CARMIL1: variants seen among roughly 807,000 people sequenced by gnomAD.
The protein encoded by CARMIL1 is capping protein regulator and myosin 1 linker 1.
A neutral mutation model predicts 177.1 loss-of-function variants in CARMIL1; 90 were observed. The ratio of observed to expected loss-of-function variants is 0.51; its 90% CI spans 0.43 to 0.61. CARMIL1 has a LOEUF of 0.61. CARMIL1 is among the 20% of genes least tolerant of loss of function. CARMIL1 has a pLI of 0.00. For missense variants in CARMIL1, 1,380 were observed against 1,667.0 expected (o/e 0.83, Z 3.00); for synonymous variants, 577 against 606.2 (o/e 0.95, Z 0.71).
chr6:25,435,724 C>A, intron 5 of CARMIL1, 120 bp downstream of exon 5: 1 of 1,179,520 alleles, frequency 8.5e-7, no homozygotes, highest in Non-Finnish European at 1.1e-6. Context: ...TCCTTCTCCT[C>A]TTAAATATTA....
chr6:25,332,377 C>T (rs12192951), intron 2 of CARMIL1, among the ~76,000 whole-genome samples: 20,467 of 152,110 alleles, frequency 0.13, 1,427 homozygotes, highest in Middle Eastern at 0.19. Context: ...TTCGATTGTG[C>T]TCATCCAGGT....
chr6:25,569,996 C>T (rs577205810), intron 29 of CARMIL1, among the ~76,000 whole-genome samples: 4 of 151,170 alleles, frequency 2.6e-5, no homozygotes, highest in Non-Finnish European at 5.9e-5. Flanking sequence ...TTTTTTGAGA[C>T]GGAGTCTCGC....
At chr6:25,528,696 G>A (rs1028700483) in intron 23 of CARMIL1, 99 bp from the exon 24 acceptor site, 34 of 845,892 alleles carry the variant, frequency 4.0e-5, no homozygotes, top group Non-Finnish European at 6.5e-5. Flanking sequence ...GTATATTCAC[G>A]CTTCGGTTTT....
intron 32 of CARMIL1, among the ~76,000 whole-genome samples, chr6:25,599,646 A>G (rs1815195872): frequency 6.6e-6 from 1 of 152,154 alleles, no homozygotes; most frequent in Admixed American, 6.5e-5. Flanking sequence ...AGTCAAACGC[A>G]TGAGAAGCAA....
At chr6:25,388,927 C>T (rs961666531) in intron 2 of CARMIL1, among the ~76,000 whole-genome samples, 1 of 152,094 alleles carries the variant, frequency 6.6e-6, no homozygotes, top group African/African-American at 2.4e-5. Flanking sequence ...AAGCGATCTT[C>T]CTGTGTCGGC....
intron 2 of CARMIL1, among the ~76,000 whole-genome samples, chr6:25,414,867 C>T (rs1795230809): frequency 6.6e-6 from 1 of 152,194 alleles, no homozygotes; most frequent in Non-Finnish European, 1.5e-5. Context: ...TGTAGCTTAT[C>T]AGTCTTCCTT....
intron 29 of CARMIL1, among the ~76,000 whole-genome samples, chr6:25,567,421 C>G (rs1024100697): frequency 1.7e-4 from 26 of 152,302 alleles, no homozygotes; most frequent in Admixed American, 3.3e-4. Context: ...ATTGTAGATG[C>G]CTGAACTGAT....
intron 2 of CARMIL1, among the ~76,000 whole-genome samples, chr6:25,343,224 G>A (rs1012079597): frequency 6.6e-6 from 1 of 152,080 alleles, no homozygotes; most frequent in Admixed American, 6.6e-5. Context: ...TTTAAAAAAT[G>A]CAGAATAGGG....
At chr6:25,345,101 C>T (rs1639135732) in intron 2 of CARMIL1, among the ~76,000 whole-genome samples, 1 of 152,178 alleles carries the variant, frequency 6.6e-6, no homozygotes, top group Admixed American at 6.5e-5. Context: ...CACCGTACTT[C>T]ACTGGCATTG....
chr6:25,479,089 G>C (rs777141686), intron 11 of CARMIL1: 1 of 518,824 alleles, frequency 1.9e-6, no homozygotes, highest in East Asian at 5.4e-5. Flanking sequence ...ACAGAGAAGA[G>C]GCCTTTTGTT....
At chr6:25,286,864 T>G (rs2150132758) in intron 2 of CARMIL1, among the ~76,000 whole-genome samples, 1 of 152,338 alleles carries the variant, frequency 6.6e-6, no homozygotes, top group East Asian at 1.9e-4. Flanking sequence ...ATGCTTATGA[T>G]TAGTACTTAA....
intron 2 of CARMIL1, among the ~76,000 whole-genome samples, chr6:25,311,054 C>T (rs1043514504): frequency 1.4e-5 from 2 of 142,596 alleles, no homozygotes; most frequent in South Asian, 2.4e-4. Context: ...TGGTGGTGGG[C>T]GCCTGTAATA....
In CARMIL1 at chr6:25,279,549, G is replaced by A. The variant is rs1780900223; in HGVS notation, c.-247G>A. 3.5e-6 allele frequency: 2 copies of A among 568,942 alleles called. No individual in the cohort carries two copies. The highest frequency in any genetic ancestry group is 6.3e-6 in the Non-Finnish European group (2 of 317,554). The allele number at this position is 568,942 out of a possible 1,614,324, so 35.2% of individuals were successfully genotyped here. ...AATCCGGTCCGCTCCTTATTCAGCC[G>A]CCGGGAACTGCGAGGAGGCGTCATG... On this transcript the variant is annotated 5_prime_UTR_variant, in exon 1 of 37. Transcript: ENST00000329474.
At chr6:25,499,910 A>G (rs1281923558) in intron 16 of CARMIL1, among the ~76,000 whole-genome samples, 2 of 152,232 alleles carry the variant, frequency 1.3e-5, no homozygotes, top group African/African-American at 4.8e-5. Context: ...GCATAGGAAT[A>G]GCAATCCTGC....
At chr6:25,563,627 G>C in intron 29 of CARMIL1, 1 of 985,278 alleles carries the variant, frequency 1.0e-6, no homozygotes, top group Non-Finnish European at 1.2e-6. Flanking sequence ...GCATAGGCTA[G>C]ATGGCCATTC....
At chr6:25,315,525 T>G (rs56143259) in intron 2 of CARMIL1, among the ~76,000 whole-genome samples, 7,059 of 152,254 alleles carry the variant, frequency 0.046, 234 homozygotes, top group Middle Eastern at 0.099. Flanking sequence ...CTCCACAGCC[T>G]CCTCCATACC....
In CARMIL1 at chr6:25,282,444, C is replaced by G. The variant is rs149921377; in HGVS notation, c.41-2368C>G. 2.6e-3 allele frequency among the ~76,000 whole-genome samples: 396 copies of G among 152,228 alleles called. 1 individual carries two copies. The highest frequency in any genetic ancestry group is 8.5e-3 in the African/African-American group (355 of 41,538). ...CCAAACATTCCACCTCCTTGCTGTT[C>G]CTTGAACAGGCTGTGCTTTCTCAGA... On this transcript the variant is annotated intron_variant, in intron 1 of 36. Coordinates refer to ENST00000329474, the MANE Select transcript of CARMIL1 (RefSeq NM_017640.6).
In CARMIL1 at chr6:25,530,520, A is replaced by G. The variant is rs149198473; in HGVS notation, c.2067+1627A>G. ...GAGTTCCAGAAAGAGTAAATCGGCT[A>G]TCTTACAAGGGAACTAAAATCAATT... On this transcript the variant is annotated intron_variant, in intron 24 of 36. Transcript: ENST00000329474. Among the ~76,000 whole-genome samples, 514 of 152,284 alleles carry G rather than the reference A, an allele frequency of 3.4e-3. 6 individuals are homozygous for G. Among genetic ancestry groups the G allele is most frequent in the Admixed American group, 6.9e-3 (105 of 15,296 alleles).
chr6:25,320,196 A>T (rs1319503590), intron 2 of CARMIL1, among the ~76,000 whole-genome samples: 1 of 152,124 alleles, frequency 6.6e-6, no homozygotes, highest in African/African-American at 2.4e-5. Context: ...CTCTGTCTAC[A>T]TTAGAAACAG....
Sources: allele counts gnomAD v4.1 joint callset (sites outside exome capture counted in the v4.1 genomes callset), GRCh38; gene constraint gnomAD v4.1.1; transcripts MANE v1.5; gene names NCBI Gene and HGNC (gene_info 2026-07-23, HGNC 2026-07-21).